Variants in LUC7L2 observed in about 807,000 individuals in gnomAD.
LUC7L2 encodes LUC7 like 2, pre-mRNA splicing factor, also known as putative RNA-binding protein Luc7-like 2.
In LUC7L2, 25 loss-of-function variants were observed where a neutral mutation model predicts 52.8. That is an observed-to-expected ratio of 0.47 (90% CI 0.34 to 0.66). The LOEUF is 0.66. Among genes scored for constraint, LUC7L2 ranks in the 30% least tolerant of loss-of-function variants. The pLI is 0.01. For synonymous variants in LUC7L2, 144 were observed against 160.9 expected (o/e 0.89, Z 0.80); for missense variants, 328 against 497.8 (o/e 0.66, Z 3.25).
chr7:139,417,788 T>G, intron 9 of LUC7L2, 59 bp downstream of exon 9: 1 of 1,550,132 alleles, frequency 6.5e-7, no homozygotes, highest in Admixed American at 2.0e-5. Context: ...GTTGTTTATG[T>G]TTACTTATGT....
chr7:139,375,271 G>C, intron 1 of LUC7L2: 1 of 985,082 alleles, frequency 1.0e-6, no homozygotes, highest in Non-Finnish European at 1.2e-6. Context: ...GGATGCTTCT[G>C]TTGCTTAGGA....
chr7:139,362,640 T>TC (rs569458796), intron 1 of LUC7L2, among the ~76,000 whole-genome samples: 52 of 146,158 alleles, frequency 3.6e-4, no homozygotes, highest in Admixed American at 2.1e-3. Context: ...TTTTTTTTTT[T>TC]AATTCCAGAG....
intron 2 of LUC7L2, among the ~76,000 whole-genome samples, chr7:139,378,928 C>T (rs1165201577): frequency 3.3e-5 from 5 of 152,246 alleles, no homozygotes; most frequent in African/African-American, 1.2e-4. Flanking sequence ...ACTAGGACTA[C>T]AGGCAGGAGC....
At chr7:139,363,690 T>C (rs1799993173) in intron 1 of LUC7L2, among the ~76,000 whole-genome samples, 1 of 152,176 alleles carries the variant, frequency 6.6e-6, no homozygotes, top group African/African-American at 2.4e-5. Flanking sequence ...GATAATTTGT[T>C]TTCCCTGAAC....
In LUC7L2 at chr7:139,422,974, T is replaced by C; in HGVS notation, c.*634T>C. 1 of 399,008 alleles carries C rather than the reference T, an allele frequency of 2.5e-6. No individual in the cohort carries two copies. Among genetic ancestry groups the C allele is most frequent in the Non-Finnish European group, 4.4e-6 (1 of 226,058 alleles). The allele number at this position is 399,008 out of a possible 1,614,324, so 24.7% of individuals were successfully genotyped here. A position where few individuals can be genotyped will look rare whatever the true frequency, so the allele number is the denominator to read the frequency against. On this transcript the variant is annotated 3_prime_UTR_variant, in exon 10 of 10. Transcript: ENST00000354926. ...ATACTTTTGCTTTTTTATTGAAATT[T>C]TGAAATCAAACGTCTTGATTTTTCT...
At chr7:139,365,511 C>A (rs1245224435) in intron 1 of LUC7L2, among the ~76,000 whole-genome samples, 1 of 152,032 alleles carries the variant, frequency 6.6e-6, no homozygotes, top group Non-Finnish European at 1.5e-5. Flanking sequence ...GGATCAAGGT[C>A]AGGTTTAGTG....
intron 9 of LUC7L2, among the ~76,000 whole-genome samples, chr7:139,418,667 C>T (rs1481541582): frequency 2.6e-5 from 4 of 152,056 alleles, no homozygotes; most frequent in African/African-American, 7.2e-5. Context: ...TGTTAATAGG[C>T]TCTCAATATT....
chr7:139,361,445 T>A (rs1376449840), intron 1 of LUC7L2, among the ~76,000 whole-genome samples: 1 of 152,264 alleles, frequency 6.6e-6, no homozygotes, highest in African/African-American at 2.4e-5. Flanking sequence ...TACAGCAAAA[T>A]ATGAGTAAAT....
chr7:139,350,945 A>G lies in LUC7L2; in HGVS notation c.-26+10428A>G, dbSNP rs1239556015. 2.6e-5 allele frequency among the ~76,000 whole-genome samples: 4 copies of G among 152,012 alleles called. No individual in the cohort carries two copies. In the East Asian group the frequency reaches 7.7e-4, roughly 29 times the overall value. Reference sequence around the variant, plus strand: ...CGCCTTGGCCTCCCAAAGTGCTGAGATTACAGGTGTGAGCCACTGCGCCTG... The same window carrying G: ...CGCCTTGGCCTCCCAAAGTGCTGAGGTTACAGGTGTGAGCCACTGCGCCTG... On this transcript the variant is annotated intron_variant, in intron 1 of 10. Transcript: ENST00000541170.
chr7:139,422,546 T>G lies in LUC7L2; in HGVS notation c.*206T>G. The G allele has an allele frequency of 1.9e-6, 2 of 1,080,936 alleles. No individual in the cohort carries two copies. The highest frequency in any genetic ancestry group is 3.5e-5 in the South Asian group (1 of 28,206). 67.0% of individuals were successfully genotyped at this position (1,080,936 alleles called of 1,614,324 possible). ...TCCATAGTTTCTGGTGAACCTGTAA[T>G]ACAGTTCTGAAAGTACAGTTTTATA... On this transcript the variant is annotated 3_prime_UTR_variant, in exon 10 of 10. Coordinates refer to ENST00000354926, the MANE Select transcript of LUC7L2 (RefSeq NM_016019.5).
intron 1 of LUC7L2, among the ~76,000 whole-genome samples, chr7:139,371,887 G>T (rs910583556): frequency 6.6e-6 from 1 of 152,148 alleles, no homozygotes; most frequent in Non-Finnish European, 1.5e-5. Flanking sequence ...TGAATAATAT[G>T]CATCCTCATT....
intron 1 of LUC7L2, among the ~76,000 whole-genome samples, chr7:139,352,640 T>C (rs1452019019): frequency 6.6e-6 from 1 of 152,254 alleles, no homozygotes; most frequent in Non-Finnish European, 1.5e-5. Context: ...TCCACAAACT[T>C]CAGATATTAA....
At chr7:139,394,371 C>G (rs918483158) in intron 2 of LUC7L2, among the ~76,000 whole-genome samples, 2 of 152,184 alleles carry the variant, frequency 1.3e-5, no homozygotes, top group African/African-American at 4.8e-5. Context: ...CCATGGCATG[C>G]CTTCCCCAAA....
chr7:139,405,998 C>T (rs1226865766), intron 5 of LUC7L2, among the ~76,000 whole-genome samples: 1 of 152,164 alleles, frequency 6.6e-6, no homozygotes, highest in Admixed American at 6.5e-5. Context: ...CCTTTGGTCC[C>T]AGCTATTTTG....
intron 3 of LUC7L2, among the ~76,000 whole-genome samples, chr7:139,401,358 G>T (rs1031367641): frequency 1.3e-5 from 2 of 152,166 alleles, no homozygotes; most frequent in African/African-American, 4.8e-5. Context: ...ACTTGCAGCA[G>T]ATTTTTCTGT....
rs376954972 is a variant in LUC7L2, at chr7:139,415,573, CTTTTT to C, written c.810-1948_810-1944del. On this transcript the variant is annotated intron_variant, in intron 8 of 9. Coordinates refer to ENST00000354926, the MANE Select transcript of LUC7L2 (RefSeq NM_016019.5). ...ACTCTTTTCAGCTGTGGAAATAACG[CTTTTT>C]TTTTTTTTTTTTTTTTGAGACAGGG... 3.3e-3 allele frequency among the ~76,000 whole-genome samples: 386 copies of C among 116,136 alleles called. 1 individual carries two copies. Among genetic ancestry groups the C allele is most frequent in the African/African-American group, 0.011 (309 of 28,554 alleles). The allele number at this position is 116,136 out of a possible 152,430, so 76.2% of individuals were successfully genotyped here.
At chr7:139,407,799 C>T (rs934233452) in intron 6 of LUC7L2, among the ~76,000 whole-genome samples, 6 of 149,360 alleles carry the variant, frequency 4.0e-5, no homozygotes, top group Admixed American at 1.3e-4. Flanking sequence ...GCTTCCACTT[C>T]AGAAAGGACT....
At chr7:139,418,191 T>C (rs557767978) in intron 9 of LUC7L2, among the ~76,000 whole-genome samples, 10 of 150,642 alleles carry the variant, frequency 6.6e-5, no homozygotes, top group East Asian at 3.9e-4. Flanking sequence ...ACTATAGATA[T>C]GTATTGTTAC....
At chr7:139,350,128 C>CTT (rs530523374) in intron 1 of LUC7L2, among the ~76,000 whole-genome samples, 2 of 147,776 alleles carry the variant, frequency 1.4e-5, no homozygotes, top group South Asian at 2.1e-4. Context: ...TTAACCTTAT[C>CTT]TTTTTTTTTT....
Sources: allele counts gnomAD v4.1 joint callset (sites outside exome capture counted in the v4.1 genomes callset), GRCh38; gene constraint gnomAD v4.1.1; transcripts MANE v1.5; gene names NCBI Gene and HGNC (gene_info 2026-07-23, HGNC 2026-07-21).